STUM: variants seen among roughly 807,000 people sequenced by gnomAD.
STUM encodes the protein stum, mechanosensory transduction mediator homolog.
A neutral mutation model predicts 15.3 loss-of-function variants in STUM; 8 were observed. That is an observed-to-expected ratio of 0.52 (90% CI 0.31 to 0.94). The LOEUF (loss-of-function observed/expected upper bound fraction) is 0.94, where lower values mean the gene tolerates loss of function less well. Among genes scored for constraint, STUM ranks in the 40% least tolerant of loss-of-function variants. The pLI, the probability that STUM is intolerant of heterozygous loss-of-function variation, is 0.05. For missense variants in STUM, 142 were observed against 204.9 expected (o/e 0.69, Z 1.87); for synonymous variants, 78 against 88.7 (o/e 0.88, Z 0.68).
At chr1:226,570,928 A>G (rs1667699384) in intron 1 of STUM, among the ~76,000 whole-genome samples, 1 of 152,174 alleles carries the variant, frequency 6.6e-6, no homozygotes, top group South Asian at 2.1e-4. Flanking sequence ...TTATTAAAAT[A>G]TTTTTAAAAG....
intron 1 of STUM, among the ~76,000 whole-genome samples, chr1:226,551,722 A>C (rs551830703): frequency 1.3e-5 from 2 of 152,376 alleles, no homozygotes; most frequent in African/African-American, 4.8e-5. Flanking sequence ...ATGATGAATA[A>C]ATCAGTCAGG....
In STUM at chr1:226,608,402, T is replaced by C. The variant is rs1412101340; in HGVS notation, c.*6362T>C. ...CATGAGAACCTGTGGCCAGCCCTTT[T>C]CATTGGCTGAGTTCCCTGCTGTTGT... On this transcript the variant is annotated 3_prime_UTR_variant, in exon 4 of 4. Transcript: ENST00000366788. This position sits in a 1 kb window ranked among gnomAD's most constrained non-coding sequence, Gnocchi z 4.0. The C allele has an allele frequency of 6.6e-6, 1 of 152,176 alleles. No homozygotes were observed. Among genetic ancestry groups the C allele is most frequent in the African/African-American group, 2.4e-5 (1 of 41,454 alleles). 9.4% of individuals were successfully genotyped at this position (152,176 alleles called of 1,614,324 possible).
At chr1:226,598,488 C>T (rs890129631) in intron 2 of STUM, among the ~76,000 whole-genome samples, 1 of 152,214 alleles carries the variant, frequency 6.6e-6, no homozygotes, top group Non-Finnish European at 1.5e-5. Flanking sequence ...CTCATCTGAT[C>T]TCTAGAGCTT....
intron 1 of STUM, among the ~76,000 whole-genome samples, chr1:226,562,988 T>C (rs1667566120): frequency 6.6e-6 from 1 of 152,200 alleles, no homozygotes; most frequent in Non-Finnish European, 1.5e-5. Flanking sequence ...TGTCGGCAGC[T>C]TATTCACAAA....
chr1:226,581,608 C>T (rs1272088539), intron 1 of STUM, among the ~76,000 whole-genome samples: 5 of 152,154 alleles, frequency 3.3e-5, no homozygotes. Context: ...TGGAGTCTCA[C>T]TCTGTTGCCC....
intron 1 of STUM, among the ~76,000 whole-genome samples, chr1:226,578,024 T>C (rs533071450): frequency 5.3e-5 from 8 of 152,202 alleles, no homozygotes; most frequent in African/African-American, 1.9e-4. Context: ...TGTGATGAGA[T>C]AGTATCATGA....
chr1:226,560,854 A>C (rs188897358), intron 1 of STUM, among the ~76,000 whole-genome samples: 1 of 152,202 alleles, frequency 6.6e-6, no homozygotes, highest in Non-Finnish European at 1.5e-5. Flanking sequence ...GAAATTTTTC[A>C]GGAGCTCTCC....
At chr1:226,591,824 G>A (rs948904813) in intron 1 of STUM, among the ~76,000 whole-genome samples, 5 of 152,044 alleles carry the variant, frequency 3.3e-5, no homozygotes, top group Non-Finnish European at 7.4e-5. Context: ...AAAGAACATG[G>A]AATGCTGTTC....
intron 1 of STUM, among the ~76,000 whole-genome samples, chr1:226,584,288 C>CT (rs1337992212): frequency 3.3e-5 from 5 of 152,164 alleles, no homozygotes; most frequent in African/African-American, 7.2e-5. Flanking sequence ...CTAGTTTGGA[C>CT]TTTTTTATAG....
In STUM at chr1:226,560,432, G is replaced by A. The variant is rs1384795919; in HGVS notation, c.202+11326G>A. On this transcript the variant is annotated intron_variant, in intron 1 of 3. Coordinates refer to ENST00000366788, the MANE Select transcript of STUM (RefSeq NM_001003665.4). The stretch of plus-strand genomic sequence containing the variant: ...CATCAGTGTTGCTGGTTGGCAAGAC[G>A]CGAGCAGCCTCCAGGCTATGGAACA... 5.9e-5 allele frequency among the ~76,000 whole-genome samples: 9 copies of A among 152,336 alleles called. No individual in the cohort carries two copies. In the East Asian group the frequency reaches 1.7e-3, roughly 29 times the overall value.
intron 1 of STUM, among the ~76,000 whole-genome samples, chr1:226,593,078 T>C (rs1279905027): frequency 1.3e-5 from 2 of 149,828 alleles, no homozygotes; most frequent in East Asian, 4.0e-4. Context: ...CCCAGCTACT[T>C]GGGAGGCTGA....
Position 226,565,944 on chromosome 1 carries a change from G to A in STUM, c.202+16838G>A, listed in dbSNP as rs759618749. On this transcript the variant is annotated intron_variant, in intron 1 of 3. Transcript: ENST00000366788. This position sits in a 1 kb window ranked among gnomAD's most constrained non-coding sequence, Gnocchi z 4.4. The stretch of plus-strand genomic sequence containing the variant: ...ATTGCTTGTGCCTGGGCTTACCAGC[G>A]ATTCCTCCTTACTCTTTCTGTGATA... Among the ~76,000 whole-genome samples, 6 of 152,182 alleles carry A rather than the reference G, an allele frequency of 3.9e-5. No homozygotes were observed. Among genetic ancestry groups the A allele is most frequent in the Non-Finnish European group, 5.9e-5 (4 of 68,028 alleles).
intron 2 of STUM, among the ~76,000 whole-genome samples, chr1:226,598,290 C>G (rs1162835425): frequency 1.3e-5 from 2 of 152,186 alleles, no homozygotes; most frequent in Non-Finnish European, 2.9e-5. Flanking sequence ...CAGCTGGAAG[C>G]TGGGAGGTGC....
intron 1 of STUM, among the ~76,000 whole-genome samples, chr1:226,570,300 G>A (rs1571800136): frequency 6.6e-6 from 1 of 152,178 alleles, no homozygotes; most frequent in South Asian, 2.1e-4. Flanking sequence ...GGAGGCGTGT[G>A]CTTTTATGGA....
intron 1 of STUM, among the ~76,000 whole-genome samples, chr1:226,574,972 T>C (rs12065556): frequency 1.3e-5 from 2 of 152,204 alleles, no homozygotes; most frequent in Admixed American, 6.5e-5. Flanking sequence ...CGAGCAGGGC[T>C]GGGGTCATAT....
chr1:226,549,148 C>A lies in STUM; in HGVS notation c.202+42C>A, dbSNP rs1485557023. Reference sequence around the variant, plus strand: ...GCGACCCTTGCGACCCCCACCCCGCCGCGGGAGGGCGTGGGGGGAGAGAAG... The same window carrying A: ...GCGACCCTTGCGACCCCCACCCCGCAGCGGGAGGGCGTGGGGGGAGAGAAG... On this transcript the variant is annotated intron_variant, in intron 1 of 3. Coordinates refer to ENST00000366788, the MANE Select transcript of STUM (RefSeq NM_001003665.4). This position sits in a 1 kb window ranked among gnomAD's most constrained non-coding sequence, Gnocchi z 6.8. 6.6e-7 allele frequency: 1 copy of A among 1,523,624 alleles called. No homozygotes were observed. Among genetic ancestry groups the A allele is most frequent in the Middle Eastern group, 1.7e-4 (1 of 5,800 alleles). The allele number at this position is 1,523,624 out of a possible 1,614,324, so 94.4% of individuals were successfully genotyped here. A position where few individuals can be genotyped will look rare whatever the true frequency, so the allele number is the denominator to read the frequency against.
At chr1:226,596,150 A>G (rs1456050567) in intron 1 of STUM, among the ~76,000 whole-genome samples, 2 of 152,162 alleles carry the variant, frequency 1.3e-5, no homozygotes, top group African/African-American at 2.4e-5. Context: ...TGGATGCTCA[A>G]TAGAGCTTAG....
intron 1 of STUM, among the ~76,000 whole-genome samples, chr1:226,551,994 T>C (rs375614939): frequency 1.2e-4 from 18 of 152,192 alleles, no homozygotes; most frequent in African/African-American, 3.9e-4. Flanking sequence ...TTTTCTTTTT[T>C]TCTGGAAACT....
chr1:226,595,187 G>A (rs1668159300), intron 1 of STUM, among the ~76,000 whole-genome samples: 1 of 152,212 alleles, frequency 6.6e-6, no homozygotes. Context: ...AAGTTCAAAA[G>A]CTGAAGAACC....
Sources: allele counts gnomAD v4.1 joint callset (sites outside exome capture counted in the v4.1 genomes callset), GRCh38; gene constraint gnomAD v4.1.1; non-coding constraint Gnocchi (gnomAD v3.1); transcripts MANE v1.5; gene names NCBI Gene and HGNC (gene_info 2026-07-23, HGNC 2026-07-21).